MCUB: variants seen among roughly 807,000 people sequenced by gnomAD.
The protein encoded by MCUB is mitochondrial calcium uniporter dominant negative subunit beta.
MCUB carries 46 observed loss-of-function variants against 41.4 expected under a neutral mutation model. The ratio of observed to expected loss-of-function variants is 1.11; its 90% confidence interval spans 0.88 to 1.42. The LOEUF (loss-of-function observed/expected upper bound fraction) is 1.42, where lower values mean the gene tolerates loss of function less well. MCUB is among the 40% of genes most tolerant of loss of function. MCUB has a pLI of 0.00. For missense variants in MCUB, 403 were observed against 404.9 expected, an observed-to-expected ratio of 1.00 and a Z score of 0.04; for synonymous variants, 148 against 148.2, an observed-to-expected ratio of 1.00 and a Z score of 0.01.
intron 1 of MCUB, among the ~76,000 whole-genome samples, chr4:109,656,155 C>G (rs1466844998): frequency 1.3e-5 from 2 of 152,006 alleles, no homozygotes; most frequent in African/African-American, 4.8e-5. Context: ...TGGATTCTCA[C>G]AGGCATTATC....
chr4:109,568,414 C>T (rs1043295345), intron 1 of MCUB, among the ~76,000 whole-genome samples: 1 of 152,112 alleles, frequency 6.6e-6, no homozygotes, highest in Admixed American at 6.6e-5. Context: ...TCCGTATCCC[C>T]GCTCTAGCGT....
At chr4:109,606,255 G>T (rs754272693) in intron 1 of MCUB, among the ~76,000 whole-genome samples, 1 of 152,080 alleles carries the variant, frequency 6.6e-6, no homozygotes, top group Non-Finnish European at 1.5e-5. Context: ...GATTACAGGT[G>T]TGAGCCACTG....
intron 1 of MCUB, among the ~76,000 whole-genome samples, chr4:109,656,666 T>G (rs1420840228): frequency 1.3e-5 from 2 of 152,142 alleles, no homozygotes; most frequent in Non-Finnish European, 2.9e-5. Flanking sequence ...CCATCACGCC[T>G]GGCCTACTCC....
At chr4:109,572,819 C>G (rs192285662) in intron 1 of MCUB, among the ~76,000 whole-genome samples, 3 of 152,010 alleles carry the variant, frequency 2.0e-5, no homozygotes, top group African/African-American at 4.8e-5. Context: ...ATAATTATTG[C>G]TTTATATAAT....
chr4:109,585,029 C>G (rs769968169), intron 1 of MCUB, among the ~76,000 whole-genome samples: 1 of 152,138 alleles, frequency 6.6e-6, no homozygotes, highest in Non-Finnish European at 1.5e-5. Flanking sequence ...GCTTGTTGAT[C>G]TAATATTGGC....
At chr4:109,621,580 G>A (rs1354752177) in intron 1 of MCUB, among the ~76,000 whole-genome samples, 1 of 152,168 alleles carries the variant, frequency 6.6e-6, no homozygotes. Context: ...CAGCAGTACT[G>A]AATTATCATA....
intron 1 of MCUB, among the ~76,000 whole-genome samples, chr4:109,570,177 G>A (rs1726881984): frequency 1.3e-5 from 2 of 152,014 alleles, no homozygotes; most frequent in Non-Finnish European, 2.9e-5. Context: ...TGCTCATTTG[G>A]TACTTCTGTA....
intron 1 of MCUB, among the ~76,000 whole-genome samples, chr4:109,568,470 AC>A (rs781356634): frequency 2.7e-5 from 4 of 150,392 alleles, no homozygotes; most frequent in African/African-American, 4.9e-5. Context: ...ATGTATTTTC[AC>A]CCCTCGTTGC....
At chr4:109,679,661 T>C (rs1226198844) in intron 4 of MCUB, among the ~76,000 whole-genome samples, 3 of 152,148 alleles carry the variant, frequency 2.0e-5, no homozygotes, top group Admixed American at 2.0e-4. Flanking sequence ...AAATTTTTGT[T>C]CTTTGTAAAT....
At chr4:109,672,505 T>TA (rs1414241182) in intron 4 of MCUB, among the ~76,000 whole-genome samples, 1 of 152,202 alleles carries the variant, frequency 6.6e-6, no homozygotes, top group Non-Finnish European at 1.5e-5. Context: ...AAGCTATAAT[T>TA]ATAGACTGTT....
At chr4:109,686,863 C>A (rs1729852987) in intron 7 of MCUB, among the ~76,000 whole-genome samples, 1 of 151,882 alleles carries the variant, frequency 6.6e-6, no homozygotes, top group African/African-American at 2.4e-5. Context: ...GGCAACAGAG[C>A]AAGACCCCAT....
chr4:109,625,445 A>G (rs187508158), intron 1 of MCUB, among the ~76,000 whole-genome samples: 272 of 152,376 alleles, frequency 1.8e-3, no homozygotes, highest in African/African-American at 6.4e-3. Flanking sequence ...TCAATAAATT[A>G]CATGAGATAT....
At chr4:109,686,408 G>A (rs1729837695) in intron 7 of MCUB, among the ~76,000 whole-genome samples, 1 of 152,122 alleles carries the variant, frequency 6.6e-6, no homozygotes, top group Non-Finnish European at 1.5e-5. Context: ...CAAAGTGTTA[G>A]GATTACAGGT....
At chr4:109,591,350 T>C (rs777097459) in intron 1 of MCUB, among the ~76,000 whole-genome samples, 8 of 152,040 alleles carry the variant, frequency 5.3e-5, no homozygotes, top group Non-Finnish European at 1.2e-4. Flanking sequence ...CACGCCTGGC[T>C]AATTTTTGTA....
chr4:109,569,700 C>T (rs557647431), intron 1 of MCUB, among the ~76,000 whole-genome samples: 1 of 151,528 alleles, frequency 6.6e-6, no homozygotes, highest in South Asian at 2.1e-4. Context: ...ATGGTGTTTC[C>T]CCATGTTGGC....
intron 1 of MCUB, among the ~76,000 whole-genome samples, chr4:109,602,067 G>T (rs1727757240): frequency 6.6e-6 from 1 of 152,076 alleles, no homozygotes; most frequent in Non-Finnish European, 1.5e-5. Flanking sequence ...TTGATGATTT[G>T]ATTTTTTTCT....
chr4:109,625,131 C>T (rs1456545286), intron 1 of MCUB, among the ~76,000 whole-genome samples: 2 of 152,064 alleles, frequency 1.3e-5, no homozygotes, highest in East Asian at 1.9e-4. Flanking sequence ...AAGAGCAAGA[C>T]TCTGTCTCAA....
intron 4 of MCUB, among the ~76,000 whole-genome samples, chr4:109,671,375 A>G (rs372657913): frequency 2.0e-5 from 3 of 152,002 alleles, no homozygotes; most frequent in African/African-American, 4.8e-5. Flanking sequence ...CACTTGTGCA[A>G]TTGTCCCACA....
chr4:109,684,910 TAAAAA>T (rs35776161), intron 6 of MCUB: 1 of 377,950 alleles, frequency 2.6e-6, no homozygotes, highest in African/African-American at 2.1e-5. Context: ...CCCTCATTTA[TAAAAA>T]AAACTGAATT....
Sources: allele counts gnomAD v4.1 joint callset (sites outside exome capture counted in the v4.1 genomes callset), GRCh38; gene constraint gnomAD v4.1.1; transcripts MANE v1.5; gene names NCBI Gene and HGNC (gene_info 2026-07-23, HGNC 2026-07-21).